The following FAM227A variants were observed in gnomAD, a reference collection of about 807,000 sequenced individuals.
The protein encoded by FAM227A is protein FAM227A.
A neutral mutation model predicts 74.7 loss-of-function variants in FAM227A; 80 were observed. The observed-to-expected ratio is 1.07, with a 90% CI of 0.89 to 1.29. The LOEUF (loss-of-function observed/expected upper bound fraction) is 1.29. Ranked by LOEUF, FAM227A falls within the 50% of genes most tolerant of loss-of-function variation. The probability of loss-of-function intolerance (pLI) is 0.00; values close to 1 mark genes in which losing one functional copy is unlikely to be tolerated. For missense variants in FAM227A, 654 were observed against 683.4 expected, an observed-to-expected ratio of 0.96 and a Z score of 0.48; for synonymous variants, 237 against 241.8, an observed-to-expected ratio of 0.98 and a Z score of 0.19.
rs1401839053 is a variant in FAM227A at position 38,585,187 on chromosome 22, GA to G, written c.*937del. On this transcript the variant is annotated 3_prime_UTR_variant, in exon 17 of 17. Transcript: ENST00000535113. ...TGAACTTTACTATTCCTTGTCTCATGAACTGGGAGTGACTAAATGTGTCCCT... is the reference window on the plus strand; with the variant it reads ...TGAACTTTACTATTCCTTGTCTCATGACTGGGAGTGACTAAATGTGTCCCT... 2.0e-5 allele frequency: 3 copies of G among 152,272 alleles called. No individual in the cohort carries two copies. The highest frequency in any genetic ancestry group is 2.0e-4 in the Admixed American group (3 of 15,286). 9.4% of individuals were successfully genotyped at this position (152,272 alleles called of 1,614,324 possible).
intron 11 of FAM227A, among the ~76,000 whole-genome samples, chr22:38,611,564 A>G (rs1018879883): frequency 3.3e-5 from 5 of 152,174 alleles, no homozygotes; most frequent in South Asian, 2.1e-4. Context: ...ATAAGAATCA[A>G]TACCAGTCGC....
intron 15 of FAM227A, among the ~76,000 whole-genome samples, chr22:38,596,793 C>T (rs985086177): frequency 2.6e-5 from 4 of 151,688 alleles, no homozygotes; most frequent in Admixed American, 1.3e-4. Flanking sequence ...GGAAAATGTC[C>T]ATAATATGCT....
chr22:38,588,543 C>T (rs866610447), intron 16 of FAM227A, among the ~76,000 whole-genome samples: 7 of 147,718 alleles, frequency 4.7e-5, no homozygotes, highest in African/African-American at 1.3e-4. Context: ...CATTTGAACC[C>T]GGGAAGTGGA....
rs752721507 is a variant in FAM227A, at chr22:38,591,495, TG to T, written c.1577del (p.Ala526GlufsTer73). The T allele has an allele frequency of 8.4e-6, 13 of 1,549,632 alleles. No homozygotes were observed. The South Asian group carries it at 1.2e-4, about 14-fold the overall frequency. ...CTGAAGGTGGGATGAACATGTGGTT[TG>T]CCTTTTTTGTATCTGCTGCTTTTGG... Reference protein sequence around the residue: ...IDPKAADTKKANHMFIPPSAV... With the variant: ...IDPKAADTKKXNHMFIPPSAV... On this transcript the variant is annotated frameshift_variant, in exon 16 of 17. Coordinates refer to ENST00000535113, the MANE Select transcript of FAM227A (RefSeq NM_001013647.2). LOFTEE classifies it high-confidence loss of function.
intron 13 of FAM227A, among the ~76,000 whole-genome samples, chr22:38,603,231 G>A (rs1005705943): frequency 7.2e-5 from 11 of 152,056 alleles, no homozygotes; most frequent in East Asian, 5.8e-4. Context: ...AGTGGCTCAC[G>A]CCTGTAATCC....
In FAM227A at chr22:38,582,401, A is replaced by C. The variant is rs951866194; in HGVS notation, c.*3724T>G. The C allele has an allele frequency of 9.0e-6, 14 of 1,550,278 alleles. No individual in the cohort carries two copies. The South Asian group carries it at 1.2e-4, about 13-fold the overall frequency. ...GCTGAGAGTATGGGTTTTCAGCAAC[A>C]CTGGGAATGACAGAATTAGAATATC... On this transcript the variant is annotated 3_prime_UTR_variant, in exon 17 of 17. Coordinates refer to ENST00000535113, the MANE Select transcript of FAM227A (RefSeq NM_001013647.2).
chr22:38,631,595 G>A (rs1352834472), intron 6 of FAM227A, among the ~76,000 whole-genome samples: 1 of 152,160 alleles, frequency 6.6e-6, no homozygotes, highest in Non-Finnish European at 1.5e-5. Flanking sequence ...GCTCCTCAGA[G>A]ACGGGGAAAG....
chr22:38,637,468 A>G (rs1227872376), intron 5 of FAM227A, among the ~76,000 whole-genome samples: 1 of 152,216 alleles, frequency 6.6e-6, no homozygotes, highest in African/African-American at 2.4e-5. Flanking sequence ...AAACTAAAAC[A>G]TGATGACTAT....
intron 11 of FAM227A, among the ~76,000 whole-genome samples, chr22:38,616,943 G>A (rs1027480608): frequency 6.6e-6 from 1 of 152,092 alleles, no homozygotes; most frequent in African/African-American, 2.4e-5. Flanking sequence ...GCAGAGGGGG[G>A]CAGGCTGTCT....
intron 16 of FAM227A, among the ~76,000 whole-genome samples, chr22:38,588,621 A>G (rs2090861320): frequency 7.0e-6 from 1 of 143,838 alleles, no homozygotes; most frequent in Admixed American, 7.0e-5. Context: ...TGTCTAAAAA[A>G]AAAAAAAAAA....
At chr22:38,637,723 C>T (rs1321244681) in intron 5 of FAM227A, among the ~76,000 whole-genome samples, 2 of 152,254 alleles carry the variant, frequency 1.3e-5, no homozygotes, top group African/African-American at 2.4e-5. Flanking sequence ...GATTGTATGA[C>T]AGTTCCAATG....
chr22:38,620,584 A>G (rs892509263), intron 10 of FAM227A, among the ~76,000 whole-genome samples: 1 of 151,568 alleles, frequency 6.6e-6, no homozygotes, highest in African/African-American at 2.4e-5. Flanking sequence ...CGGGCGGATC[A>G]CGAGGTCAGG....
intron 2 of FAM227A, among the ~76,000 whole-genome samples, chr22:38,646,686 G>A (rs1169983632): frequency 6.7e-6 from 1 of 150,210 alleles, no homozygotes; most frequent in Admixed American, 6.7e-5. Context: ...AGTCTCACTC[G>A]CCCGGCCACT....
chr22:38,598,527 G>A (rs2091099380), intron 14 of FAM227A, among the ~76,000 whole-genome samples: 1 of 152,176 alleles, frequency 6.6e-6, no homozygotes, highest in Non-Finnish European at 1.5e-5. Flanking sequence ...TGAAATGTGA[G>A]TTGTTGTTAT....
At chr22:38,638,671 C>T in intron 5 of FAM227A, 75 bp downstream of exon 5, 1 of 1,098,066 alleles carries the variant, frequency 9.1e-7, no homozygotes, top group East Asian at 2.6e-5. Context: ...AAGTATTCTC[C>T]TCCCCAGGAA....
Position 38,586,143 on chromosome 22 carries a change from T to G in FAM227A, c.1695A>C (p.Pro565=). 1 of 1,551,852 alleles carries G rather than the reference T, an allele frequency of 6.4e-7. No individual in the cohort carries two copies. The highest frequency in any genetic ancestry group is 8.7e-7 in the Non-Finnish European group (1 of 1,147,028). The change falls in exon 17 of 17, where the codon CCA becomes CCC. Residue 565 remains proline (P), a synonymous_variant. Coordinates refer to ENST00000535113, the MANE Select transcript of FAM227A (RefSeq NM_001013647.2). ...GAGCTCCTCAGGGCTTGGAAGTGAG[T>G]GGAAAGAAATGTTCAACTTCTGTTT... The part of the protein sequence containing the change: ...RRETEVEHFF[P]LTSKP
intron 11 of FAM227A, among the ~76,000 whole-genome samples, chr22:38,619,381 T>C (rs2091640560): frequency 6.6e-6 from 1 of 152,132 alleles, no homozygotes; most frequent in South Asian, 2.1e-4. Flanking sequence ...TGCAGTGCAG[T>C]GGTGTGATCT....
chr22:38,613,707 G>C (rs1267159253), intron 11 of FAM227A, among the ~76,000 whole-genome samples: 1 of 151,748 alleles, frequency 6.6e-6, no homozygotes, highest in Non-Finnish European at 1.5e-5. Flanking sequence ...TGTATAATAT[G>C]ATTAAGAGCT....
intron 4 of FAM227A, 132 bp downstream of exon 4, chr22:38,639,523 G>A (rs377271521): frequency 3.3e-6 from 3 of 907,532 alleles, no homozygotes; most frequent in Non-Finnish European, 5.3e-6. Context: ...CAAGAAGTCA[G>A]ATTTAAGGCT....
Sources: allele counts gnomAD v4.1 joint callset (sites outside exome capture counted in the v4.1 genomes callset), GRCh38; gene constraint gnomAD v4.1.1; transcripts MANE v1.5; gene names NCBI Gene and HGNC (gene_info 2026-07-23, HGNC 2026-07-21).